Variants in DNAH9 observed in about 807,000 individuals in gnomAD.
The protein encoded by DNAH9 is dynein axonemal heavy chain 9.
A neutral mutation model predicts 471.6 loss-of-function variants in DNAH9; 345 were observed. That is an observed-to-expected ratio of 0.73 (90% CI 0.67 to 0.80). DNAH9 has a LOEUF of 0.80. DNAH9 is among the 30% of genes least tolerant of loss of function. The probability of loss-of-function intolerance (pLI) is 0.00; values close to 1 mark genes in which losing one functional copy is unlikely to be tolerated. For missense variants in DNAH9, 5,407 were observed against 5,609.2 expected, an observed-to-expected ratio of 0.96 and a Z score of 1.15; for synonymous variants, 2,093 against 2,123.6, an observed-to-expected ratio of 0.99 and a Z score of 0.40.
intron 67 of DNAH9, among the ~76,000 whole-genome samples, 183 bp downstream of exon 67, chr17:11,942,668 C>T (rs1362562233): frequency 6.6e-6 from 1 of 152,174 alleles, no homozygotes; most frequent in Admixed American, 6.5e-5. Flanking sequence ...TCTACAAGAA[C>T]CAAGATGTTA....
At chr17:11,719,596 G>A in intron 27 of DNAH9, 106 bp downstream of exon 27, 1 of 1,082,852 alleles carries the variant, frequency 9.2e-7, no homozygotes, top group Non-Finnish European at 1.3e-6. Flanking sequence ...GCTTCCCCAG[G>A]TCTCGGAGCC....
At chr17:11,633,246 T>G (rs745459700) in intron 8 of DNAH9, among the ~76,000 whole-genome samples, 1 of 152,192 alleles carries the variant, frequency 6.6e-6, no homozygotes, top group Non-Finnish European at 1.5e-5. Flanking sequence ...ACATGAAGAC[T>G]CAGTGGAGCA....
At position 11,921,594 on chromosome 17, in the gene DNAH9, C is replaced by G. The variant is rs1974140182; in HGVS notation, c.11750-2220C>G. ...TCCTGAGACACTGGAGGGACTTGCTCAAGGCCCAATAAGCCATCTGAGAGC... is the reference window on the plus strand; with the variant it reads ...TCCTGAGACACTGGAGGGACTTGCTGAAGGCCCAATAAGCCATCTGAGAGC... On this transcript the variant is annotated intron_variant, in intron 61 of 68. Coordinates refer to ENST00000262442, the MANE Select transcript of DNAH9 (RefSeq NM_001372.4). 2.0e-5 allele frequency among the ~76,000 whole-genome samples: 3 copies of G among 152,176 alleles called. 1 individual carries two copies. Among genetic ancestry groups the G allele is most frequent in the South Asian group, 4.1e-4 (2 of 4,830 alleles).
intron 48 of DNAH9, among the ~76,000 whole-genome samples, chr17:11,830,910 C>A (rs1970667458): frequency 6.6e-6 from 1 of 152,074 alleles, no homozygotes. Context: ...ATAAGCCCCA[C>A]TGAAACTATA....
At chr17:11,811,140 C>A (rs1388394499) in intron 45 of DNAH9, among the ~76,000 whole-genome samples, 2 of 152,064 alleles carry the variant, frequency 1.3e-5, no homozygotes, top group Admixed American at 1.3e-4. Context: ...TGGTGAAATG[C>A]CATCTCTACT....
intron 27 of DNAH9, 99 bp from the exon 28 acceptor site, chr17:11,727,719 G>C (rs1055120188): frequency 2.6e-6 from 2 of 769,214 alleles, no homozygotes; most frequent in Admixed American, 2.0e-5. Context: ...TCTTTAGGGG[G>C]ACTAGAAGTA....
Position 11,881,267 on chromosome 17 carries a change from C to T in DNAH9, c.10660C>T (p.His3554Tyr). ...EYNPKFRLILHTKLANPHYQP... is the reference protein window; with the variant it reads ...EYNPKFRLILYTKLANPHYQP... ...CAATCCCAAGTTCCGGCTCATCCTCCACACCAAGCTGGCTAATCCTCACTA... is the reference window on the plus strand; with the variant it reads ...CAATCCCAAGTTCCGGCTCATCCTCTACACCAAGCTGGCTAATCCTCACTA... The change falls in exon 55 of 69, where the codon CAC becomes TAC. Residue 3554 changes from histidine to tyrosine, a missense_variant. Around this residue, in one of 3 missense-constraint regions of DNAH9, gnomAD observed 4,636 missense variants for 4,900.3 expected, o/e 0.95. Transcript: ENST00000262442. 6.2e-7 allele frequency: 1 copy of T among 1,614,178 alleles called. No individual in the cohort carries two copies. The highest frequency in any genetic ancestry group is 8.5e-7 in the Non-Finnish European group (1 of 1,180,036).
At position 11,943,319 on chromosome 17, in the gene DNAH9, G is replaced by C. The variant is rs75495338; in HGVS notation, c.12843+834G>C. Among the ~76,000 whole-genome samples, 1,056 of 152,242 alleles carry C rather than the reference G, an allele frequency of 6.9e-3. 10 individuals are homozygous for C. Among genetic ancestry groups the C allele is most frequent in the East Asian group, 0.05 (258 of 5,168 alleles). On this transcript the variant is annotated intron_variant, in intron 67 of 68. Coordinates refer to ENST00000262442, the MANE Select transcript of DNAH9 (RefSeq NM_001372.4). ...TGGGGTTAAACACCTAGGGTCACAC[G>C]TGGATAGGAAAAACACATATGAGTT... is the stretch of plus-strand genomic sequence containing the variant.
chr17:11,740,993 A>G (rs985989532), intron 29 of DNAH9, among the ~76,000 whole-genome samples: 1 of 150,532 alleles, frequency 6.6e-6, no homozygotes, highest in Non-Finnish European at 1.5e-5. Flanking sequence ...CTTTGTCATT[A>G]TATAATTTAC....
chr17:11,748,999 A>G, intron 32 of DNAH9, among the ~76,000 whole-genome samples: 1 of 141,644 alleles, frequency 7.1e-6, no homozygotes. Flanking sequence ...TTTCCTTCTT[A>G]TTGATCTTAG....
chr17:11,778,329 CAAAAAA>C (rs57983162), intron 38 of DNAH9, among the ~76,000 whole-genome samples: 87 of 48,616 alleles, frequency 1.8e-3, no homozygotes, highest in African/African-American at 3.2e-3. Flanking sequence ...GACTCCATCT[CAAAAAA>C]AAAAAAAAAA....
Position 11,656,556 on chromosome 17 carries a change from T to A in DNAH9, c.2595+3554T>A, listed in dbSNP as rs75382683. Among the ~76,000 whole-genome samples, 4 of 152,336 alleles carry A rather than the reference T, an allele frequency of 2.6e-5. No homozygotes were observed. The East Asian group carries it at 7.7e-4, about 29-fold the overall frequency. Reference sequence around the variant, plus strand: ...CCAGGATTTGACTAACTCATCCCACTGTTGGATATTTGGGTACAGTTGGTT... The same window carrying A: ...CCAGGATTTGACTAACTCATCCCACAGTTGGATATTTGGGTACAGTTGGTT... On this transcript the variant is annotated intron_variant, in intron 14 of 68. Coordinates refer to ENST00000262442, the MANE Select transcript of DNAH9 (RefSeq NM_001372.4).
intron 32 of DNAH9, among the ~76,000 whole-genome samples, chr17:11,748,678 C>T (rs192946114): frequency 1.3e-5 from 2 of 152,258 alleles, no homozygotes; most frequent in East Asian, 3.9e-4. Flanking sequence ...TGATCTCAGC[C>T]TTACCTTCAA....
intron 29 of DNAH9, among the ~76,000 whole-genome samples, chr17:11,741,257 AT>A (rs1040229899): frequency 1.3e-5 from 2 of 152,258 alleles, no homozygotes; most frequent in African/African-American, 2.4e-5. Context: ...AATTAAAAAA[AT>A]GTAAGTAATT....
intron 62 of DNAH9, among the ~76,000 whole-genome samples, chr17:11,926,836 G>C (rs1567555787): frequency 6.6e-6 from 1 of 152,176 alleles, no homozygotes; most frequent in Non-Finnish European, 1.5e-5. Context: ...TTGCTACACT[G>C]TCTTCCACAA....
intron 61 of DNAH9, among the ~76,000 whole-genome samples, chr17:11,914,476 G>A (rs1362264616): frequency 1.3e-5 from 2 of 152,046 alleles, no homozygotes; most frequent in African/African-American, 4.8e-5. Flanking sequence ...TATATCCCAT[G>A]TCTTTTATTT....
At chr17:11,954,052 T>C (rs114369172) in intron 67 of DNAH9, 1 of 151,636 alleles carries the variant, frequency 6.6e-6, no homozygotes, top group African/African-American at 2.4e-5. Context: ...AATAAAAACA[T>C]CTAGAATAAT....
intron 36 of DNAH9, among the ~76,000 whole-genome samples, chr17:11,765,180 T>C (rs946046299): frequency 6.6e-6 from 1 of 152,198 alleles, no homozygotes; most frequent in African/African-American, 2.4e-5. Flanking sequence ...CATGAATACA[T>C]GCAAGGTACT....
At chr17:11,777,857 A>G (rs1968496196) in intron 38 of DNAH9, among the ~76,000 whole-genome samples, 2 of 152,226 alleles carry the variant, frequency 1.3e-5, no homozygotes, top group African/African-American at 2.4e-5. Context: ...ATCATCAAAG[A>G]TTTATCATCT....
Sources: gnomAD v4.1 joint callset for allele counts (sites outside exome capture counted in the v4.1 genomes callset) on GRCh38, gnomAD v4.1.1 for gene constraint, gnomAD v4.1.1 regional missense constraint, MANE v1.5 for transcripts, NCBI Gene and HGNC (gene_info 2026-07-23, HGNC 2026-07-21) for gene names.